The following MBNL3 variants were observed in gnomAD, a reference collection of about 807,000 sequenced individuals.
MBNL3 encodes the protein muscleblind-like protein 3.
In MBNL3, 6 loss-of-function variants were observed where a neutral mutation model predicts 24.5. The observed-to-expected ratio is 0.25, with a 90% CI of 0.13 to 0.48. The LOEUF (loss-of-function observed/expected upper bound fraction) is 0.48. Among genes scored for constraint, MBNL3 ranks in the 20% least tolerant of loss-of-function variants. The probability of loss-of-function intolerance (pLI) is 0.99; values close to 1 mark genes in which losing one functional copy is unlikely to be tolerated. For missense variants in MBNL3, 230 were observed against 293.5 expected (o/e 0.78, Z 1.58); for synonymous variants, 100 against 101.7 (o/e 0.98, Z 0.10).
Position 132,461,507 on chromosome X carries a change from C to T in MBNL3, c.-703-21193G>A, listed in dbSNP as rs144970154. ...CACTGCATTTGGCTTTTGGGTGACA[C>T]AAAATGCATACAAGATAGTTTCTTC... On this transcript the variant is annotated intron_variant, in intron 1 of 8. Coordinates refer to ENST00000370853, the MANE Select transcript of MBNL3 (RefSeq NM_001386889.1). Among the ~76,000 whole-genome samples, 6 of 111,040 alleles carry T rather than the reference C, an allele frequency of 5.4e-5. No individual in the cohort carries two copies. In the East Asian group the frequency reaches 1.7e-3, roughly 31 times the overall value.
rs756700753 is a variant in MBNL3 at position 132,447,472 on chromosome X, C to G, written c.-703-7158G>C. Among the ~76,000 whole-genome samples, 4 of 111,619 alleles carry G rather than the reference C, an allele frequency of 3.6e-5. No individual in the cohort carries two copies. The South Asian group carries it at 1.5e-3, about 42-fold the overall frequency. ...TTCTCCTTGAAGAGGTCCTTCACAT[C>G]CCTTGTGAGTTCGATTCCTAGGTAT... On this transcript the variant is annotated intron_variant, in intron 1 of 8. Coordinates refer to ENST00000370853, the MANE Select transcript of MBNL3 (RefSeq NM_001386889.1).
intron 5 of MBNL3, among the ~76,000 whole-genome samples, chrX:132,389,525 C>G (rs1199886645): frequency 9.0e-6 from 1 of 111,623 alleles, no homozygotes. Context: ...TGTGAATAGG[C>G]AAAGTCTCTG....
Position 132,382,956 on chromosome X carries a change from T to A in MBNL3, c.959-684A>T, listed in dbSNP as rs369695218. Reference sequence around the variant, plus strand: ...AACAAATACATGGAGTACTTCACAGTAAATCTTGTCTTCACAGCAACTATT... The same window carrying A: ...AACAAATACATGGAGTACTTCACAGAAAATCTTGTCTTCACAGCAACTATT... On this transcript the variant is annotated intron_variant, in intron 7 of 8. Transcript: ENST00000370853. Among the ~76,000 whole-genome samples, 4 of 112,258 alleles carry A rather than the reference T, an allele frequency of 3.6e-5. No homozygotes were observed. In the East Asian group the frequency reaches 1.1e-3, roughly 31 times the overall value.
intron 3 of MBNL3, among the ~76,000 whole-genome samples, chrX:132,396,140 G>T (rs1938187303): frequency 9.2e-6 from 1 of 108,132 alleles, no homozygotes; most frequent in Non-Finnish European, 1.9e-5. Context: ...AAAAATTGTA[G>T]ATATTTGTTT....
chrX:132,483,427 C>T (rs1479622471), intron 1 of MBNL3, among the ~76,000 whole-genome samples: 1 of 112,022 alleles, frequency 8.9e-6, no homozygotes, highest in African/African-American at 3.3e-5. Flanking sequence ...TTGTGACAAT[C>T]CCATTTTCCC....
chrX:132,445,827 G>T (rs1945679682), intron 1 of MBNL3, among the ~76,000 whole-genome samples: 2 of 110,754 alleles, frequency 1.8e-5, no homozygotes, highest in Non-Finnish European at 3.8e-5. Flanking sequence ...TTAAGTTCTG[G>T]GATACATGTG....
intron 1 of MBNL3, among the ~76,000 whole-genome samples, chrX:132,442,352 C>G (rs1408163562): frequency 8.9e-6 from 1 of 111,891 alleles, no homozygotes; most frequent in Non-Finnish European, 1.9e-5. Context: ...TTAGCTATCC[C>G]AAGCTTTCTG....
At chrX:132,444,797 A>G (rs1945608739) in intron 1 of MBNL3, among the ~76,000 whole-genome samples, 1 of 111,984 alleles carries the variant, frequency 8.9e-6, no homozygotes, top group Non-Finnish European at 1.9e-5. Flanking sequence ...TTGAAAAAAA[A>G]GAACTGCAGA....
At chrX:132,467,147 G>A (rs1168460757) in intron 1 of MBNL3, among the ~76,000 whole-genome samples, 2 of 111,692 alleles carry the variant, frequency 1.8e-5, no homozygotes, top group Non-Finnish European at 3.8e-5. Flanking sequence ...AGTTGGACTT[G>A]AGTCAATGAG....
At chrX:132,384,784 G>T in intron 6 of MBNL3, 86 bp from the exon 7 acceptor site, 1 of 798,671 alleles carries the variant, frequency 1.3e-6, no homozygotes, top group Non-Finnish European at 1.7e-6. Context: ...TTAACAGAAA[G>T]ATTATTTCTT....
chrX:132,421,980 T>C (rs1031110459), intron 2 of MBNL3, among the ~76,000 whole-genome samples: 1 of 112,073 alleles, frequency 8.9e-6, no homozygotes. Flanking sequence ...TTTAAATAAA[T>C]TGGTAAAATA....
intron 1 of MBNL3, among the ~76,000 whole-genome samples, chrX:132,479,885 G>A (rs2148540601): frequency 9.0e-6 from 1 of 111,503 alleles, no homozygotes; most frequent in East Asian, 2.8e-4. Context: ...AGTCAGGGGA[G>A]TTGGGGGTGG....
At position 132,476,900 on chromosome X, in the gene MBNL3, A is replaced by C. The variant is rs181536865; in HGVS notation, c.-704+11951T>G. On this transcript the variant is annotated intron_variant, in intron 1 of 8. Coordinates refer to ENST00000370853, the MANE Select transcript of MBNL3 (RefSeq NM_001386889.1). ...AACTACATGCTTGTTACAGCTGAAA[A>C]TCCTGAATAACTCACACTCAAACCC... Among the ~76,000 whole-genome samples the C allele has an allele frequency of 4.4e-3, 489 of 111,614 alleles. 1 individual carries two copies. The highest frequency in any genetic ancestry group is 9.0e-3 in the South Asian group (24 of 2,662).
At chrX:132,483,590 CTT>C (rs1028576118) in intron 1 of MBNL3, among the ~76,000 whole-genome samples, 2 of 111,698 alleles carry the variant, frequency 1.8e-5, no homozygotes, top group Non-Finnish European at 3.8e-5. Context: ...TTCTTTCACT[CTT>C]TCATTTTGCT....
At chrX:132,409,917 A>G (rs1942481845) in intron 2 of MBNL3, among the ~76,000 whole-genome samples, 1 of 112,010 alleles carries the variant, frequency 8.9e-6, no homozygotes, top group Non-Finnish European at 1.9e-5. Flanking sequence ...TACTGAGTTA[A>G]GAAAATAGCA....
chrX:132,443,984 T>TCCCCCCCCCCCCCCCCC lies in MBNL3; in HGVS notation c.-703-3671_-703-3670insGGGGGGGGGGGGGGGGG, dbSNP rs762809506. Among the ~76,000 whole-genome samples the TCCCCCCCCCCCCCCCCC allele has an allele frequency of 8.1e-4, 5 of 6,149 alleles. 1 individual carries two copies. Among genetic ancestry groups the TCCCCCCCCCCCCCCCCC allele is most frequent in the Non-Finnish European group, 1.1e-3 (4 of 3,555 alleles). The allele number at this position is 6,149 out of a possible 115,157, so 5.3% of individuals were successfully genotyped here. ...AAACTCAAGCAGCCTGACTCCAGAG[T>TCCCCCCCCCCCCCCCCC]CCGCCCCCCCCCCCCCCCCCCACCT... On this transcript the variant is annotated intron_variant, in intron 1 of 8. Transcript: ENST00000370853.
At chrX:132,455,859 C>A (rs1240273612) in intron 1 of MBNL3, among the ~76,000 whole-genome samples, 1 of 111,933 alleles carries the variant, frequency 8.9e-6, no homozygotes, top group Non-Finnish European at 1.9e-5. Context: ...GATTCATTGA[C>A]CTCTGTGGGC....
At position 132,378,834 on chromosome X, in the gene MBNL3, G is replaced by C. The variant is rs1934388364; in HGVS notation, c.*832C>G. ...TCTTATTTGCCAAGCTATTTAAGAA[G>C]AGTGAATTAGGGGTTAATGTTTTAT... On this transcript the variant is annotated 3_prime_UTR_variant, in exon 9 of 9. Coordinates refer to ENST00000370853, the MANE Select transcript of MBNL3 (RefSeq NM_001386889.1). 1 of 111,968 alleles carries C rather than the reference G, an allele frequency of 8.9e-6. No homozygotes were observed. 9.2% of individuals were successfully genotyped at this position (111,968 alleles called of 1,213,427 possible). A position where few individuals can be genotyped will look rare whatever the true frequency, so the allele number is the denominator to read the frequency against.
chrX:132,489,071 T>C (rs1242411777), upstream of MBNL3: 1 of 112,934 alleles, frequency 8.9e-6, no homozygotes, highest in Admixed American at 9.3e-5. Flanking sequence ...ATAAGCAAAT[T>C]AAAGCCCGCC....
Sources: gnomAD v4.1 joint callset for allele counts (sites outside exome capture counted in the v4.1 genomes callset) on GRCh38, gnomAD v4.1.1 for gene constraint, MANE v1.5 for transcripts, NCBI Gene and HGNC (gene_info 2026-07-23, HGNC 2026-07-21) for gene names.